The following ARHGEF3 variants were observed in gnomAD, a reference collection of about 807,000 sequenced individuals.
ARHGEF3 encodes the protein Rho guanine nucleotide exchange factor 3.
Under a neutral mutation model 63.2 loss-of-function variants are expected in ARHGEF3, and 28 were observed. The observed-to-expected ratio is 0.44, with a 90% CI of 0.33 to 0.61. The LOEUF is 0.61. Ranked by LOEUF, ARHGEF3 falls within the 20% of genes least tolerant of loss-of-function variation. The pLI is 0.03. For missense variants in ARHGEF3, 533 were observed against 659.3 expected (o/e 0.81, Z 2.10); for synonymous variants, 266 against 254.2 (o/e 1.05, Z -0.44).
intron 3 of ARHGEF3, among the ~76,000 whole-genome samples, chr3:56,923,046 ATATATATATATATATATATATAT>A (rs1560053679): frequency 8.3e-5 from 6 of 72,038 alleles, no homozygotes; most frequent in Non-Finnish European, 1.1e-4. Context: ...ATATATATAT[ATATATATATATATATATATATAT>A]ATATATAAAT....
intron 4 of ARHGEF3, among the ~76,000 whole-genome samples, chr3:56,839,328 T>G (rs557024314): frequency 6.6e-6 from 1 of 152,310 alleles, no homozygotes; most frequent in South Asian, 2.1e-4. Context: ...TTTAACGTTT[T>G]GGGTTTTTTT....
At chr3:57,025,149 C>G (rs193214171) in intron 2 of ARHGEF3, among the ~76,000 whole-genome samples, 2 of 152,088 alleles carry the variant, frequency 1.3e-5, no homozygotes, top group East Asian at 3.9e-4. Context: ...TGTTCTGGAT[C>G]GAAGGAGACT....
intron 2 of ARHGEF3, among the ~76,000 whole-genome samples, chr3:56,975,334 C>T (rs941639526): frequency 2.0e-4 from 30 of 152,192 alleles, no homozygotes; most frequent in Non-Finnish European, 3.2e-4. Context: ...AGGGGAATCG[C>T]TTGAACCCAG....
At chr3:56,957,743 G>A (rs1700105164) in intron 3 of ARHGEF3, among the ~76,000 whole-genome samples, 1 of 152,192 alleles carries the variant, frequency 6.6e-6, no homozygotes, top group South Asian at 2.1e-4. Context: ...TGTGGGCCCG[G>A]AGCAGTGTGT....
rs868328433 is a variant in ARHGEF3, at chr3:56,996,470, A to G, written c.63-37581T>C. Among the ~76,000 whole-genome samples the G allele has an allele frequency of 5.3e-5, 8 of 152,284 alleles. No homozygotes were observed. The Middle Eastern group carries it at 0.01, about 194-fold the overall frequency. ...GGTAGGGCCTCTGGAAGGTGATTAA[A>G]TGAATGGGATTAGTGCATTAATAAA... On this transcript the variant is annotated intron_variant, in intron 2 of 12. Transcript: ENST00000338458.
intron 4 of ARHGEF3, 105 bp downstream of exon 4, chr3:56,753,399 T>G: frequency 1.1e-6 from 1 of 950,414 alleles, no homozygotes; most frequent in South Asian, 1.5e-5. Context: ...AGCAGACCAG[T>G]CTTAGTCATA....
chr3:57,047,994 C>A (rs928573693), intron 1 of ARHGEF3, among the ~76,000 whole-genome samples: 14 of 152,092 alleles, frequency 9.2e-5, no homozygotes, highest in African/African-American at 3.4e-4. Flanking sequence ...CAGTAAAGCT[C>A]AGCCACAGTC....
chr3:56,992,998 T>A (rs1701825921), intron 2 of ARHGEF3, among the ~76,000 whole-genome samples: 1 of 152,124 alleles, frequency 6.6e-6, no homozygotes, highest in African/African-American at 2.4e-5. Context: ...CATGCCTGGC[T>A]GATTTTTGTA....
At chr3:56,962,117 CCCAGCCAAACACTA>C (rs1700306342) in intron 2 of ARHGEF3, among the ~76,000 whole-genome samples, 1 of 152,100 alleles carries the variant, frequency 6.6e-6, no homozygotes, top group Admixed American at 6.5e-5. Flanking sequence ...CCTCCTTCTC[CCCAGCCAAACACTA>C]CCACCCAGGT....
chr3:56,879,087 C>A (rs1288195383), intron 4 of ARHGEF3, among the ~76,000 whole-genome samples: 2 of 152,216 alleles, frequency 1.3e-5, no homozygotes, highest in Non-Finnish European at 2.9e-5. Context: ...GGAAGGCAAG[C>A]TCAGGACTCC....
chr3:56,812,298 C>T (rs962019030), intron 4 of ARHGEF3, among the ~76,000 whole-genome samples: 6 of 152,156 alleles, frequency 3.9e-5, no homozygotes, highest in Non-Finnish European at 7.4e-5. Flanking sequence ...TAATGTTTAG[C>T]TTCTTGAAGA....
chr3:56,748,399 C>G (rs539162036), intron 6 of ARHGEF3, among the ~76,000 whole-genome samples: 2 of 152,110 alleles, frequency 1.3e-5, no homozygotes, highest in East Asian at 1.9e-4. Flanking sequence ...GGAGACAAAA[C>G]GAGAGTCTGA....
upstream of ARHGEF3, among the ~76,000 whole-genome samples, chr3:56,805,537 C>T (rs751982649): frequency 6.6e-6 from 1 of 152,080 alleles, no homozygotes; most frequent in Non-Finnish European, 1.5e-5. Context: ...GCCTGGCCTC[C>T]GAAGAAATGT....
At chr3:56,939,801 A>T (rs970987968) in intron 3 of ARHGEF3, 1 of 152,212 alleles carries the variant, frequency 6.6e-6, no homozygotes, top group South Asian at 2.1e-4. Context: ...ATTACCTTTT[A>T]TGATAGGAGG....
intron 3 of ARHGEF3, among the ~76,000 whole-genome samples, chr3:56,950,652 G>C (rs1699756768): frequency 6.6e-6 from 1 of 152,042 alleles, no homozygotes; most frequent in African/African-American, 2.4e-5. Context: ...AGGATGTGGA[G>C]AAATAGGAAC....
chr3:56,995,739 A>G (rs1185049344), intron 2 of ARHGEF3, among the ~76,000 whole-genome samples: 1 of 152,144 alleles, frequency 6.6e-6, no homozygotes, highest in East Asian at 1.9e-4. Flanking sequence ...TAAGTTGAAT[A>G]GAGAGGAAAC....
chr3:56,763,625 G>T (rs1559916882), intron 2 of ARHGEF3, among the ~76,000 whole-genome samples: 1 of 152,188 alleles, frequency 6.6e-6, no homozygotes, highest in Non-Finnish European at 1.5e-5. Flanking sequence ...AGAGAAGAAA[G>T]ATCCCAATTT....
intron 2 of ARHGEF3, among the ~76,000 whole-genome samples, chr3:56,967,024 C>T (rs958262229): frequency 2.0e-5 from 3 of 149,970 alleles, no homozygotes; most frequent in Non-Finnish European, 3.0e-5. Context: ...CCACCATGCC[C>T]GGCTAATTTT....
Position 56,982,795 on chromosome 3 carries a change from T to G in ARHGEF3, c.63-23906A>C, listed in dbSNP as rs150577996. ...TGGTCAGCAGCCCTGGGACCTGGCC[T>G]GCAGAACCCCTGGCTGTCCTTCCTC... On this transcript the variant is annotated intron_variant, in intron 2 of 12. Coordinates refer to the ARHGEF3 transcript ENST00000338458. Among the ~76,000 whole-genome samples the G allele has an allele frequency of 4.8e-3, 729 of 152,224 alleles. 2 individuals carry two copies. The highest frequency in any genetic ancestry group is 0.017 in the African/African-American group (703 of 41,548).
Sources: gnomAD v4.1 joint callset for allele counts (sites outside exome capture counted in the v4.1 genomes callset) on GRCh38, gnomAD v4.1.1 for gene constraint, MANE v1.5 for transcripts, NCBI Gene and HGNC (gene_info 2026-07-23, HGNC 2026-07-21) for gene names.